STX8: variants seen among roughly 807,000 people sequenced by gnomAD.
STX8 encodes the protein syntaxin 8.
A neutral mutation model predicts 37.5 loss-of-function variants in STX8; 23 were observed. The observed-to-expected ratio is 0.61, with a 90% CI of 0.44 to 0.87. The LOEUF is 0.87. Ranked by LOEUF, STX8 falls within the 40% of genes least tolerant of loss-of-function variation. The pLI is 0.00. For missense variants in STX8, 313 were observed against 284.7 expected (o/e 1.10, Z -0.71); for synonymous variants, 115 against 99.1 (o/e 1.16, Z -0.95).
At chr17:9,522,917 G>T (rs1046248668) in intron 4 of STX8, among the ~76,000 whole-genome samples, 1 of 152,024 alleles carries the variant, frequency 6.6e-6, no homozygotes, top group Non-Finnish European at 1.5e-5. Flanking sequence ...TAGAAGAGAG[G>T]ATTATGAATG....
At chr17:9,382,349 T>G (rs185502087) in intron 6 of STX8, among the ~76,000 whole-genome samples, 10 of 152,332 alleles carry the variant, frequency 6.6e-5, no homozygotes, top group Admixed American at 6.5e-4. Flanking sequence ...CTGGCATGCT[T>G]AAATTCAACT....
intron 7 of STX8, among the ~76,000 whole-genome samples, chr17:9,278,426 GCAA>G (rs1032943623): frequency 7.9e-5 from 12 of 151,728 alleles, no homozygotes; most frequent in Non-Finnish European, 1.5e-4. Context: ...TCCTGCCTGG[GCAA>G]CAAGAGTGAA....
chr17:9,385,279 A>G (rs893850084), intron 6 of STX8, among the ~76,000 whole-genome samples: 4 of 152,198 alleles, frequency 2.6e-5, no homozygotes, highest in Non-Finnish European at 5.9e-5. Context: ...TATATATAGT[A>G]GCATATGTAA....
Position 9,427,451 on chromosome 17 carries a change from A to T in STX8, c.542-48798T>A, listed in dbSNP as rs74387124. 5.3e-5 allele frequency among the ~76,000 whole-genome samples: 8 copies of T among 152,316 alleles called. No individual in the cohort carries two copies. In the East Asian group the frequency reaches 1.5e-3, roughly 29 times the overall value. On this transcript the variant is annotated intron_variant, in intron 6 of 7. Transcript: ENST00000306357. The stretch of plus-strand genomic sequence containing the variant: ...ATTTCTGCTATAATGTGATATATAC[A>T]TTCCTGAAAAATCTCACATCCTACA...
In STX8 at chr17:9,369,886, C is replaced by CAA. The variant is rs60178482; in HGVS notation, c.643+8664_643+8665dup. 4.9e-3 allele frequency among the ~76,000 whole-genome samples: 258 copies of CAA among 52,122 alleles called. 4 individuals are homozygous for CAA. Among genetic ancestry groups the CAA allele is most frequent in the African/African-American group, 0.013 (197 of 15,580 alleles). 34.2% of individuals were successfully genotyped at this position (52,122 alleles called of 152,430 possible). A position where few individuals can be genotyped will look rare whatever the true frequency, so the allele number is the denominator to read the frequency against. Reference sequence around the variant, plus strand: ...ATGACAGACCAGACAGACCCTGTACCAAAAAAAAAAAAAAAAAAAAAAAAG... The same window carrying CAA: ...ATGACAGACCAGACAGACCCTGTACCAAAAAAAAAAAAAAAAAAAAAAAAAAG... On this transcript the variant is annotated intron_variant, in intron 7 of 7. Transcript: ENST00000306357.
At chr17:9,439,697 T>C (rs1904571363) in intron 6 of STX8, among the ~76,000 whole-genome samples, 1 of 152,030 alleles carries the variant, frequency 6.6e-6, no homozygotes. Flanking sequence ...GGTTTCACCA[T>C]GTTGGCCAGG....
At chr17:9,252,544 G>C (rs1296133422) in intron 7 of STX8, among the ~76,000 whole-genome samples, 1 of 151,016 alleles carries the variant, frequency 6.6e-6, no homozygotes, top group African/African-American at 2.4e-5. Context: ...GGGAGGCGGA[G>C]GTTGCAGTGA....
At chr17:9,419,646 A>G (rs1344047644) in intron 6 of STX8, among the ~76,000 whole-genome samples, 1 of 152,210 alleles carries the variant, frequency 6.6e-6, no homozygotes, top group African/African-American at 2.4e-5. Flanking sequence ...TTCTGTTAGC[A>G]GAGTTGGTCA....
intron 6 of STX8, among the ~76,000 whole-genome samples, chr17:9,471,519 G>A (rs1183352991): frequency 1.3e-5 from 2 of 152,024 alleles, no homozygotes; most frequent in African/African-American, 4.8e-5. Flanking sequence ...CCTGGAGCTT[G>A]GATTTTGGGA....
At chr17:9,386,018 C>T (rs949087989) in intron 6 of STX8, among the ~76,000 whole-genome samples, 3 of 151,918 alleles carry the variant, frequency 2.0e-5, no homozygotes, top group African/African-American at 4.8e-5. Context: ...AGGTGATCCA[C>T]CTGCCTCGGC....
chr17:9,575,600 T>A (rs1011556479), intron 1 of STX8, among the ~76,000 whole-genome samples, 192 bp downstream of exon 1: 3 of 152,182 alleles, frequency 2.0e-5, no homozygotes, highest in African/African-American at 7.2e-5. Flanking sequence ...CCTGGTCTCC[T>A]TCCCGGGCCA....
At chr17:9,289,746 G>C (rs964431728) in intron 7 of STX8, among the ~76,000 whole-genome samples, 1 of 151,730 alleles carries the variant, frequency 6.6e-6, no homozygotes, top group African/African-American at 2.4e-5. Flanking sequence ...CGCCACTGCA[G>C]TCCAGCCTGG....
At chr17:9,337,183 T>C (rs1309453797) in intron 7 of STX8, among the ~76,000 whole-genome samples, 1 of 152,122 alleles carries the variant, frequency 6.6e-6, no homozygotes, top group Admixed American at 6.6e-5. Context: ...AAAAGAAACT[T>C]TGAAGCACAA....
chr17:9,423,099 G>T (rs143724640), intron 6 of STX8, among the ~76,000 whole-genome samples: 1 of 152,244 alleles, frequency 6.6e-6, no homozygotes, highest in East Asian at 1.9e-4. Flanking sequence ...ATAAATAAGT[G>T]CATATATACA....
chr17:9,426,634 G>A (rs1284074221), intron 6 of STX8, among the ~76,000 whole-genome samples: 4 of 150,412 alleles, frequency 2.7e-5, no homozygotes, highest in Admixed American at 6.7e-5. Flanking sequence ...GGTGGCACAT[G>A]CCTGTGGTCT....
At position 9,534,896 on chromosome 17, in the gene STX8, T is replaced by C. The variant is rs79926703; in HGVS notation, c.323+10276A>G. Reference sequence around the variant, plus strand: ...AGAAAATGTGGTACTAGCACATAAGTAGACAGAAGGACCAATGGAACACAT... The same window carrying C: ...AGAAAATGTGGTACTAGCACATAAGCAGACAGAAGGACCAATGGAACACAT... On this transcript the variant is annotated intron_variant, in intron 4 of 7. Coordinates refer to ENST00000306357, the MANE Select transcript of STX8 (RefSeq NM_004853.3). Among the ~76,000 whole-genome samples the C allele has an allele frequency of 8.5e-3, 1,296 of 152,200 alleles. 13 individuals are homozygous for C. The highest frequency in any genetic ancestry group is 0.029 in the African/African-American group (1,224 of 41,534).
intron 6 of STX8, among the ~76,000 whole-genome samples, chr17:9,416,594 C>T (rs186750552): frequency 3.6e-4 from 55 of 152,272 alleles, no homozygotes; most frequent in African/African-American, 1.3e-3. Context: ...GCCTTGAACT[C>T]CTGACCTCGT....
intron 4 of STX8, among the ~76,000 whole-genome samples, chr17:9,505,556 A>G (rs796282054): frequency 1.6e-4 from 24 of 152,330 alleles, no homozygotes; most frequent in African/African-American, 5.8e-4. Flanking sequence ...CCCCAAAGGT[A>G]CAAATATTAT....
intron 4 of STX8, among the ~76,000 whole-genome samples, chr17:9,542,572 G>A (rs963739521): frequency 1.3e-5 from 2 of 151,842 alleles, no homozygotes; most frequent in Non-Finnish European, 2.9e-5. Context: ...AGCTACTCGG[G>A]AGGCTGAGGC....
Sources: gnomAD v4.1 joint callset for allele counts (sites outside exome capture counted in the v4.1 genomes callset) on GRCh38, gnomAD v4.1.1 for gene constraint, MANE v1.5 for transcripts, NCBI Gene and HGNC (gene_info 2026-07-23, HGNC 2026-07-21) for gene names.